Variants in NKAIN2 observed in about 807,000 individuals in gnomAD.
NKAIN2 encodes the protein sodium/potassium transporting ATPase interacting 2.
A neutral mutation model predicts 32.6 loss-of-function variants in NKAIN2; 14 were observed. That is an observed-to-expected ratio of 0.43 (90% CI 0.28 to 0.67). The LOEUF (loss-of-function observed/expected upper bound fraction) is 0.67, where lower values mean the gene tolerates loss of function less well. Among genes scored for constraint, NKAIN2 ranks in the 30% least tolerant of loss-of-function variants. The pLI, the probability that NKAIN2 is intolerant of heterozygous loss-of-function variation, is 0.17. For missense variants in NKAIN2, 198 were observed against 258.3 expected (o/e 0.77, Z 1.60); for synonymous variants, 80 against 87.2 (o/e 0.92, Z 0.46).
intron 3 of NKAIN2, among the ~76,000 whole-genome samples, chr6:124,357,357 C>A (rs1034680124): frequency 3.3e-5 from 5 of 152,032 alleles, no homozygotes; most frequent in African/African-American, 1.2e-4. Flanking sequence ...CCATTTAATT[C>A]TTTAGTCGTT....
intron 4 of NKAIN2, among the ~76,000 whole-genome samples, chr6:124,732,271 C>A (rs940362164): frequency 5.9e-5 from 9 of 151,914 alleles, no homozygotes; most frequent in Non-Finnish European, 1.3e-4. Flanking sequence ...AAGAAGAGAC[C>A]ATTTGTACAT....
At chr6:124,578,549 C>T (rs1583467104) in intron 3 of NKAIN2, among the ~76,000 whole-genome samples, 1 of 151,974 alleles carries the variant, frequency 6.6e-6, no homozygotes, top group East Asian at 1.9e-4. Context: ...CCAGTTCAGC[C>T]TCAGTAGAAT....
At chr6:124,223,766 T>G (rs1791957440) in intron 1 of NKAIN2, among the ~76,000 whole-genome samples, 1 of 152,190 alleles carries the variant, frequency 6.6e-6, no homozygotes, top group Non-Finnish European at 1.5e-5. Context: ...TCTTCCCTAT[T>G]GAGAGTTAGT....
chr6:124,808,416 T>C (rs144791764), intron 5 of NKAIN2, among the ~76,000 whole-genome samples: 3,760 of 152,242 alleles, frequency 0.025, 146 homozygotes, highest in African/African-American at 0.086. Context: ...AGAAAAGGCC[T>C]TTGACAAAAT....
intron 3 of NKAIN2, among the ~76,000 whole-genome samples, chr6:124,473,911 A>C (rs953020757): frequency 2.0e-5 from 3 of 152,192 alleles, no homozygotes; most frequent in African/African-American, 7.2e-5. Flanking sequence ...CTGCTAAAGC[A>C]GAAATTGTAT....
At chr6:124,128,696 T>C (rs1786305439) in intron 1 of NKAIN2, among the ~76,000 whole-genome samples, 1 of 152,204 alleles carries the variant, frequency 6.6e-6, no homozygotes, top group Non-Finnish European at 1.5e-5. Flanking sequence ...ATCTTTAAGT[T>C]CTAAGTTAAT....
chr6:124,449,479 G>A (rs1776015636), intron 3 of NKAIN2, among the ~76,000 whole-genome samples: 1 of 152,002 alleles, frequency 6.6e-6, no homozygotes. Flanking sequence ...CAAAATAGAG[G>A]TAAGTGACAA....
intron 4 of NKAIN2, among the ~76,000 whole-genome samples, chr6:124,729,834 T>C (rs1776565147): frequency 6.6e-6 from 1 of 151,948 alleles, no homozygotes; most frequent in Admixed American, 6.6e-5. Context: ...TAAAATCTCC[T>C]TAAGCTGATA....
At chr6:123,902,595 A>G (rs1455346675) in intron 1 of NKAIN2, among the ~76,000 whole-genome samples, 2 of 152,310 alleles carry the variant, frequency 1.3e-5, no homozygotes, top group East Asian at 3.9e-4. Flanking sequence ...CAAAATTTGG[A>G]AGATCAGAAA....
intron 5 of NKAIN2, among the ~76,000 whole-genome samples, chr6:124,797,361 T>C (rs1780050408): frequency 6.6e-6 from 1 of 152,198 alleles, no homozygotes; most frequent in East Asian, 1.9e-4. Context: ...TTTGCAAATG[T>C]TGTTTAATGA....
intron 1 of NKAIN2, among the ~76,000 whole-genome samples, chr6:123,930,485 A>G (rs2114518877): frequency 6.6e-6 from 1 of 152,310 alleles, no homozygotes; most frequent in African/African-American, 2.4e-5. Flanking sequence ...AATCTAGAAT[A>G]TAAGTTAAAG....
chr6:123,922,368 T>C (rs994482814), intron 1 of NKAIN2, among the ~76,000 whole-genome samples: 12 of 152,202 alleles, frequency 7.9e-5, no homozygotes, highest in Non-Finnish European at 1.5e-4. Flanking sequence ...CTGTGAACTA[T>C]TGGGGAATGA....
At chr6:124,360,160 C>T (rs1164130234) in intron 3 of NKAIN2, among the ~76,000 whole-genome samples, 12 of 152,148 alleles carry the variant, frequency 7.9e-5, no homozygotes, top group African/African-American at 2.9e-4. Flanking sequence ...TGATGTGCTG[C>T]TGGATTCAGT....
At chr6:124,561,685 GA>G (rs1780698076) in intron 3 of NKAIN2, among the ~76,000 whole-genome samples, 3 of 152,068 alleles carry the variant, frequency 2.0e-5, no homozygotes, top group Non-Finnish European at 4.4e-5. Flanking sequence ...GGGTGGATGG[GA>G]GACAGTCTTT....
At chr6:123,859,807 C>G (rs935530899) in intron 1 of NKAIN2, among the ~76,000 whole-genome samples, 1 of 152,204 alleles carries the variant, frequency 6.6e-6, no homozygotes, top group Non-Finnish European at 1.5e-5. Flanking sequence ...TCCCCTACTT[C>G]AGTCTCCTGA....
chr6:124,437,859 T>TA, intron 3 of NKAIN2: 1 of 408,226 alleles, frequency 2.4e-6, no homozygotes, highest in South Asian at 1.8e-5. Context: ...AGGGAATACG[T>TA]ACTGATCTAT....
At chr6:124,371,076 C>A (rs1246295653) in intron 3 of NKAIN2, among the ~76,000 whole-genome samples, 1 of 151,766 alleles carries the variant, frequency 6.6e-6, no homozygotes, top group East Asian at 1.9e-4. Context: ...TTCTTGTTTC[C>A]TTCTCAATGA....
intron 5 of NKAIN2, among the ~76,000 whole-genome samples, chr6:124,792,649 G>A (rs1779797245): frequency 6.6e-6 from 1 of 152,112 alleles, no homozygotes; most frequent in Non-Finnish European, 1.5e-5. Flanking sequence ...AAGAGATCAG[G>A]AGAAGGTTTA....
chr6:124,041,897 A>T (rs550679677), intron 1 of NKAIN2, among the ~76,000 whole-genome samples: 144 of 152,232 alleles, frequency 9.5e-4, no homozygotes, highest in African/African-American at 3.3e-3. Context: ...GTTTTCTGAA[A>T]ATTGGTTCTG....
Sources: gnomAD v4.1 joint callset for allele counts (sites outside exome capture counted in the v4.1 genomes callset) on GRCh38, gnomAD v4.1.1 for gene constraint, MANE v1.5 for transcripts, NCBI Gene and HGNC (gene_info 2026-07-23, HGNC 2026-07-21) for gene names.